Variants in CFAP299 observed in about 807,000 individuals in gnomAD.
The protein encoded by CFAP299 is cilia and flagella associated protein 299.
A neutral mutation model predicts 27.0 loss-of-function variants in CFAP299; 21 were observed. That is an observed-to-expected ratio of 0.78 (90% CI 0.55 to 1.12). The LOEUF is 1.12. Ranked by LOEUF, CFAP299 falls within the 50% of genes most tolerant of loss-of-function variation. The pLI is 0.00. For synonymous variants in CFAP299, 104 were observed against 98.1 expected (o/e 1.06, Z -0.36); for missense variants, 310 against 276.6 (o/e 1.12, Z -0.86).
intron 2 of CFAP299, among the ~76,000 whole-genome samples, chr4:80,451,685 T>C (rs1236910569): frequency 6.6e-6 from 1 of 152,214 alleles, no homozygotes. Flanking sequence ...CTTTCCTCTT[T>C]TGGCTGTTTT....
chr4:80,830,011 G>A (rs1730210718), intron 3 of CFAP299, among the ~76,000 whole-genome samples: 1 of 152,010 alleles, frequency 6.6e-6, no homozygotes, highest in African/African-American at 2.4e-5. Context: ...TGGTGGTAAT[G>A]ATTGTACAAC....
intron 3 of CFAP299, among the ~76,000 whole-genome samples, chr4:80,853,294 G>T (rs914123693): frequency 1.3e-5 from 2 of 152,160 alleles, no homozygotes; most frequent in African/African-American, 4.8e-5. Flanking sequence ...ACCTCCCAAA[G>T]TGCTGGGATT....
At chr4:80,517,974 T>G (rs1257491236) in intron 2 of CFAP299, among the ~76,000 whole-genome samples, 1 of 152,136 alleles carries the variant, frequency 6.6e-6, no homozygotes, top group Non-Finnish European at 1.5e-5. Context: ...ATCTAAAATC[T>G]GAGTGATAAA....
chr4:80,820,458 T>C (rs1294373152), intron 3 of CFAP299, among the ~76,000 whole-genome samples: 1 of 151,838 alleles, frequency 6.6e-6, no homozygotes, highest in Admixed American at 6.6e-5. Flanking sequence ...AACTACAATT[T>C]GTAGAGCTGG....
At chr4:80,612,398 C>T (rs1387524387) in intron 3 of CFAP299, among the ~76,000 whole-genome samples, 1 of 152,000 alleles carries the variant, frequency 6.6e-6, no homozygotes. Context: ...ACACATTTAT[C>T]ATTAGAGTTT....
At chr4:80,386,192 C>G in intron 2 of CFAP299, 1 of 820,814 alleles carries the variant, frequency 1.2e-6, no homozygotes, top group Non-Finnish European at 1.9e-6. Context: ...TCTGAGGCCT[C>G]GATGTAGATG....
At chr4:80,490,992 A>G (rs780562439) in intron 2 of CFAP299, among the ~76,000 whole-genome samples, 2 of 148,388 alleles carry the variant, frequency 1.3e-5, no homozygotes, top group Non-Finnish European at 3.0e-5. Flanking sequence ...ATTAGTTTCA[A>G]CAGTGCTCAA....
chr4:80,515,273 A>C (rs1732522511), intron 2 of CFAP299, among the ~76,000 whole-genome samples: 1 of 152,180 alleles, frequency 6.6e-6, no homozygotes, highest in Non-Finnish European at 1.5e-5. Context: ...GGCTATTGAA[A>C]TATGAAATTA....
chr4:80,747,745 T>A (rs956470584), intron 3 of CFAP299, among the ~76,000 whole-genome samples: 8 of 152,058 alleles, frequency 5.3e-5, no homozygotes, highest in African/African-American at 4.8e-5. Context: ...CCAAATGTTA[T>A]GATATCTGAC....
At chr4:80,801,895 A>G (rs1268550056) in intron 3 of CFAP299, among the ~76,000 whole-genome samples, 8 of 152,082 alleles carry the variant, frequency 5.3e-5, no homozygotes, top group African/African-American at 1.9e-4. Flanking sequence ...TAGAAATGCA[A>G]TCCTTAAGTT....
At chr4:80,500,957 GTGATC>G (rs1179625861) in intron 2 of CFAP299, among the ~76,000 whole-genome samples, 4 of 152,084 alleles carry the variant, frequency 2.6e-5, no homozygotes, top group African/African-American at 9.7e-5. Flanking sequence ...CTGCTGGAAG[GTGATC>G]TTATTTACTT....
In CFAP299 at chr4:80,453,932, G is replaced by A. The variant is rs567690790; in HGVS notation, c.242+91048G>A. Among the ~76,000 whole-genome samples the A allele has an allele frequency of 5.5e-4, 83 of 151,208 alleles. 1 individual carries two copies. The highest frequency in any genetic ancestry group is 1.8e-3 in the African/African-American group (75 of 41,282). On this transcript the variant is annotated intron_variant, in intron 2 of 5. Transcript: ENST00000358105. ...CACATTTCCATTTAGTAATTCATTA[G>A]CATTTTAGCTTTATAGTTGCTTTAA...
chr4:80,518,225 C>A (rs145445229), intron 2 of CFAP299, among the ~76,000 whole-genome samples: 33 of 151,946 alleles, frequency 2.2e-4, no homozygotes, highest in Admixed American at 6.6e-4. Flanking sequence ...ATGCTGAGAG[C>A]AAAAGCCTTC....
chr4:80,954,228 C>G (rs1737930960), intron 5 of CFAP299, among the ~76,000 whole-genome samples: 1 of 152,020 alleles, frequency 6.6e-6, no homozygotes, highest in Non-Finnish European at 1.5e-5. Flanking sequence ...GGTGCAAGAC[C>G]ACAGTTGAGG....
At chr4:80,394,909 G>A (rs1368275916) in intron 2 of CFAP299, among the ~76,000 whole-genome samples, 1 of 151,872 alleles carries the variant, frequency 6.6e-6, no homozygotes, top group Non-Finnish European at 1.5e-5. Flanking sequence ...GCTATTTGGG[G>A]TCTTTTGTGA....
At chr4:80,895,746 G>A (rs1489080000) in intron 4 of CFAP299, among the ~76,000 whole-genome samples, 1 of 151,986 alleles carries the variant, frequency 6.6e-6, no homozygotes, top group Non-Finnish European at 1.5e-5. Context: ...GAGCTACTTA[G>A]CTCATCTGGG....
chr4:80,912,190 G>A (rs990697879), intron 4 of CFAP299, among the ~76,000 whole-genome samples: 3 of 152,114 alleles, frequency 2.0e-5, no homozygotes, highest in African/African-American at 7.2e-5. Context: ...AAAGCTAGGT[G>A]CAATGAAAAA....
chr4:80,951,559 C>T (rs1737778502), intron 5 of CFAP299, among the ~76,000 whole-genome samples: 1 of 152,158 alleles, frequency 6.6e-6, no homozygotes, highest in South Asian at 2.1e-4. Context: ...CCTATTAATT[C>T]AGGAAAGCAT....
chr4:80,890,704 A>G (rs1348421110), intron 4 of CFAP299, among the ~76,000 whole-genome samples: 3 of 150,656 alleles, frequency 2.0e-5, no homozygotes, highest in African/African-American at 7.4e-5. Context: ...CTATTTCTCC[A>G]CATCCTCTCT....
Sources: allele counts gnomAD v4.1 joint callset (sites outside exome capture counted in the v4.1 genomes callset), GRCh38; gene constraint gnomAD v4.1.1; transcripts MANE v1.5; gene names NCBI Gene and HGNC (gene_info 2026-07-23, HGNC 2026-07-21).